Variants in FAR1 observed in about 807,000 individuals in gnomAD.
The protein encoded by FAR1 is male sterility domain-containing protein 2.
Under a neutral mutation model 61.1 loss-of-function variants are expected in FAR1, and 22 were observed. The ratio of observed to expected loss-of-function variants is 0.36; its 90% CI spans 0.26 to 0.51. The LOEUF (loss-of-function observed/expected upper bound fraction) is 0.51. Ranked by LOEUF, FAR1 falls within the 20% of genes least tolerant of loss-of-function variation. The pLI is 0.95. For missense variants in FAR1, 359 were observed against 626.9 expected (o/e 0.57, Z 4.56); for synonymous variants, 206 against 209.7 (o/e 0.98, Z 0.15).
At chr11:13,719,018 A>G (rs1049364648) in intron 9 of FAR1, among the ~76,000 whole-genome samples, 1 of 152,126 alleles carries the variant, frequency 6.6e-6, no homozygotes, top group African/African-American at 2.4e-5. Context: ...CAAGACAGAA[A>G]GCTCTACACC....
chr11:13,668,988 G>A (rs1342308263), intron 1 of FAR1, among the ~76,000 whole-genome samples, 182 bp downstream of exon 1: 1 of 152,182 alleles, frequency 6.6e-6, no homozygotes. Context: ...ACCCCGGGTG[G>A]TCTCTGCCCC....
intron 1 of FAR1, among the ~76,000 whole-genome samples, chr11:13,679,294 A>G (rs1848100243): frequency 6.6e-6 from 1 of 152,150 alleles, no homozygotes; most frequent in African/African-American, 2.4e-5. Flanking sequence ...TTAAGGTAAA[A>G]AGTGATCAAG....
At chr11:13,716,279 A>G (rs912905650) in intron 9 of FAR1, among the ~76,000 whole-genome samples, 2 of 152,266 alleles carry the variant, frequency 1.3e-5, no homozygotes, top group African/African-American at 2.4e-5. Context: ...TTTTAAAAAA[A>G]TAAGTGAATA....
At chr11:13,691,934 A>G (rs1318578127) in intron 1 of FAR1, among the ~76,000 whole-genome samples, 2 of 152,104 alleles carry the variant, frequency 1.3e-5, no homozygotes, top group Admixed American at 6.6e-5. Flanking sequence ...TTGGGAGGCC[A>G]AAGTGGGTGG....
chr11:13,706,432 AAC>A (rs1317240159), intron 3 of FAR1, among the ~76,000 whole-genome samples: 2 of 152,132 alleles, frequency 1.3e-5, no homozygotes, highest in Admixed American at 1.3e-4. Flanking sequence ...TAGTATCAAC[AAC>A]AGTGTATTAC....
At chr11:13,681,007 A>T (rs1238835848) in intron 1 of FAR1, among the ~76,000 whole-genome samples, 1 of 152,186 alleles carries the variant, frequency 6.6e-6, no homozygotes, top group Non-Finnish European at 1.5e-5. Flanking sequence ...TCTGTAAAAC[A>T]AGTTGTCTTG....
intron 9 of FAR1, chr11:13,715,673 A>G (rs720192): frequency 6.6e-6 from 1 of 152,146 alleles, no homozygotes; most frequent in Admixed American, 6.6e-5. Flanking sequence ...TATCGTTGTT[A>G]TAGCTTTTCT....
chr11:13,708,822 C>A (rs1204951622), intron 4 of FAR1, among the ~76,000 whole-genome samples: 1 of 152,232 alleles, frequency 6.6e-6, no homozygotes, highest in East Asian at 1.9e-4. Context: ...GAATCATAGT[C>A]TTTTAATTCA....
intron 1 of FAR1, among the ~76,000 whole-genome samples, chr11:13,680,096 G>T (rs1848110761): frequency 6.6e-6 from 1 of 152,178 alleles, no homozygotes; most frequent in South Asian, 2.1e-4. Flanking sequence ...TGTTAACCAG[G>T]ATGCTACAGC....
At chr11:13,682,448 T>G in intron 1 of FAR1, among the ~76,000 whole-genome samples, 1 of 152,228 alleles carries the variant, frequency 6.6e-6, no homozygotes, top group Non-Finnish European at 1.5e-5. Flanking sequence ...ATTTATTTAT[T>G]ATCCATGGCT....
chr11:13,683,993 T>A (rs1848158905), intron 1 of FAR1, among the ~76,000 whole-genome samples: 1 of 152,230 alleles, frequency 6.6e-6, no homozygotes, highest in South Asian at 2.1e-4. Flanking sequence ...CAGTCTAGAC[T>A]TGACTGCAGT....
intron 10 of FAR1, among the ~76,000 whole-genome samples, chr11:13,724,142 C>T (rs1848643752): frequency 6.6e-6 from 1 of 152,056 alleles, no homozygotes; most frequent in Admixed American, 6.6e-5. Context: ...AAGGATTTGC[C>T]TTTGCTTCTA....
At chr11:13,678,394 AG>A (rs1374945149) in intron 1 of FAR1, among the ~76,000 whole-genome samples, 1 of 151,736 alleles carries the variant, frequency 6.6e-6, no homozygotes, top group Non-Finnish European at 1.5e-5. Flanking sequence ...CCTCCTGAGT[AG>A]CTGGGACTAC....
chr11:13,718,325 G>A (rs1259954042), intron 9 of FAR1, among the ~76,000 whole-genome samples: 1 of 152,114 alleles, frequency 6.6e-6, no homozygotes, highest in East Asian at 1.9e-4. Context: ...ATTTTTTTAA[G>A]ATCATCTTTG....
intron 1 of FAR1, among the ~76,000 whole-genome samples, chr11:13,689,623 T>A (rs2134176188): frequency 6.6e-6 from 1 of 152,310 alleles, no homozygotes; most frequent in African/African-American, 2.4e-5. Flanking sequence ...TTGATGAACA[T>A]ATGTACTTAT....
rs750699930 is a variant in FAR1, at chr11:13,694,941, T to G, written c.176T>G (p.Val59Gly). The G allele has an allele frequency of 3.1e-6, 5 of 1,610,718 alleles. No individual in the cohort carries two copies. Among genetic ancestry groups the G allele is most frequent in the Non-Finnish European group, 4.2e-6 (5 of 1,178,482 alleles). ...GQTPQERVEE[V>G]LSGKLFDRLR... ...ACACCACAAGAGCGAGTGGAAGAAG[T>G]CCTTAGTGGCAAGGTAAGTATGGAA... Residue 59 changes from valine (V) to glycine (G), a missense_variant, in exon 2 of 12, where the codon GTC becomes GGC. Around this residue, in one of 2 missense-constraint regions of FAR1, gnomAD observed 344 missense variants for 570.3 expected, o/e 0.60. Transcript: ENST00000354817.
At chr11:13,689,379 T>C (rs1848223453) in intron 1 of FAR1, among the ~76,000 whole-genome samples, 1 of 152,194 alleles carries the variant, frequency 6.6e-6, no homozygotes, top group South Asian at 2.1e-4. Flanking sequence ...TTGAACTTTA[T>C]ATAAATGGCA....
At position 13,727,338 on chromosome 11, in the gene FAR1, C is replaced by T. The variant is rs112538156; in HGVS notation, c.1258-218C>T. ...CTCTTTAAATGCTGACATTAGTTTC[C>T]AGATTATCTTCTCAAATGTTTCCAT... On this transcript the variant is annotated intron_variant, in intron 10 of 11. Coordinates refer to ENST00000354817, the MANE Select transcript of FAR1 (RefSeq NM_032228.6). Among the ~76,000 whole-genome samples the T allele has an allele frequency of 7.8e-3, 1,177 of 151,794 alleles. 9 individuals carry two copies. Among genetic ancestry groups the T allele is most frequent in the Non-Finnish European group, 0.013 (903 of 67,796 alleles).
Position 13,730,696 on chromosome 11 carries a change from T to C in FAR1, c.*1922T>C, listed in dbSNP as rs572367235. 6.6e-6 allele frequency: 1 copy of C among 152,224 alleles called. No individual in the cohort carries two copies. The highest frequency in any genetic ancestry group is 1.9e-4 in the East Asian group (1 of 5,184). 9.4% of individuals were successfully genotyped at this position (152,224 alleles called of 1,614,324 possible). ...GTCTTGCAAAAGAGTTGGGGACAAC[T>C]TGGGCAGGCCTATGAAGTGCATAGG... On this transcript the variant is annotated 3_prime_UTR_variant, in exon 12 of 12. Transcript: ENST00000354817.
Sources: allele counts gnomAD v4.1 joint callset (sites outside exome capture counted in the v4.1 genomes callset), GRCh38; gene constraint gnomAD v4.1.1; regional missense constraint gnomAD v4.1.1; transcripts MANE v1.5; gene names NCBI Gene and HGNC (gene_info 2026-07-23, HGNC 2026-07-21).